Variants in RMDN2 observed in about 807,000 individuals in gnomAD.
RMDN2 encodes the protein regulator of microtubule dynamics 2.
In RMDN2, 61 loss-of-function variants were observed where a neutral mutation model predicts 52.8. The observed-to-expected ratio is 1.16, with a 90% CI of 0.94 to 1.43. The LOEUF (loss-of-function observed/expected upper bound fraction) is 1.43. Among genes scored for constraint, RMDN2 ranks in the 40% most tolerant of loss-of-function variants. The pLI, the probability that RMDN2 is intolerant of heterozygous loss-of-function variation, is 0.00. For missense variants in RMDN2, 592 were observed against 475.3 expected, an observed-to-expected ratio of 1.25 and a Z score of -2.28; for synonymous variants, 180 against 153.1, an observed-to-expected ratio of 1.18 and a Z score of -1.30.
At chr2:37,943,403 G>T (rs762134339) in intron 2 of RMDN2, among the ~76,000 whole-genome samples, 1 of 152,152 alleles carries the variant, frequency 6.6e-6, no homozygotes, top group Admixed American at 6.5e-5. Flanking sequence ...GAATCTTTCT[G>T]ATCCAAGCAG....
chr2:37,989,809 T>G (rs1286258533), intron 6 of RMDN2, among the ~76,000 whole-genome samples, 193 bp downstream of exon 6: 1 of 152,186 alleles, frequency 6.6e-6, no homozygotes, highest in Non-Finnish European at 1.5e-5. Context: ...CTTTAAATAG[T>G]ACTGTGACAA....
chr2:38,065,850 A>G (rs1211452237), intron 10 of RMDN2, among the ~76,000 whole-genome samples: 2 of 152,228 alleles, frequency 1.3e-5, no homozygotes, highest in African/African-American at 2.4e-5. Context: ...CCTAAAGAAC[A>G]GTTTAAAGGG....
chr2:38,039,049 C>T lies in RMDN2; in HGVS notation c.1714-27933C>T, dbSNP rs896931719. On this transcript the variant is annotated intron_variant, in intron 10 of 10. Coordinates refer to the RMDN2 transcript ENST00000234195. The stretch of plus-strand genomic sequence containing the variant: ...AACAGTTTAAAAGCCAGATGCTATA[C>T]ACACACACACACACACACACACACA... Among the ~76,000 whole-genome samples the T allele has an allele frequency of 5.7e-4, 27 of 47,010 alleles. No homozygotes were observed. In the East Asian group the frequency reaches 0.12, roughly 218 times the overall value. 30.8% of individuals were successfully genotyped at this position (47,010 alleles called of 152,430 possible).
At chr2:38,039,905 C>T (rs1680847534) in intron 10 of RMDN2, among the ~76,000 whole-genome samples, 1 of 152,160 alleles carries the variant, frequency 6.6e-6, no homozygotes, top group Non-Finnish European at 1.5e-5. Flanking sequence ...CCTGCCCCTT[C>T]CTACTACTTT....
intron 4 of RMDN2, among the ~76,000 whole-genome samples, chr2:37,976,891 G>A (rs1025235883): frequency 2.0e-5 from 3 of 149,908 alleles, no homozygotes; most frequent in Admixed American, 6.6e-5. Flanking sequence ...GGTGTTTCTC[G>A]GAGAGGGGGA....
intron 10 of RMDN2, among the ~76,000 whole-genome samples, chr2:38,059,902 G>GT (rs911432633): frequency 4.6e-5 from 7 of 151,254 alleles, no homozygotes; most frequent in African/African-American, 7.3e-5. Context: ...TTTTGTTTTT[G>GT]TTTTTTTGTT....
At chr2:38,004,535 A>T (rs1676791907) in intron 10 of RMDN2, among the ~76,000 whole-genome samples, 1 of 152,206 alleles carries the variant, frequency 6.6e-6, no homozygotes. Flanking sequence ...ATACAGTATT[A>T]TTAACTACAG....
chr2:38,061,806 G>C (rs761130736), intron 10 of RMDN2, among the ~76,000 whole-genome samples: 2 of 152,130 alleles, frequency 1.3e-5, no homozygotes, highest in Non-Finnish European at 2.9e-5. Flanking sequence ...ACTAATAGGT[G>C]CTCAATTAAC....
intron 10 of RMDN2, among the ~76,000 whole-genome samples, chr2:38,035,395 A>G (rs1191433071): frequency 6.6e-6 from 1 of 152,202 alleles, no homozygotes; most frequent in Non-Finnish European, 1.5e-5. Flanking sequence ...TACAAATTTG[A>G]TAAAATTCCA....
chr2:37,929,171 C>G, intron 1 of RMDN2, 91 bp from the exon 2 acceptor site: 2 of 726,000 alleles, frequency 2.8e-6, no homozygotes, highest in South Asian at 3.9e-5. Flanking sequence ...GTGATGTAAA[C>G]TTGGCTTTTG....
intron 10 of RMDN2, among the ~76,000 whole-genome samples, chr2:38,057,755 T>C (rs1681900542): frequency 6.6e-6 from 1 of 152,176 alleles, no homozygotes; most frequent in Non-Finnish European, 1.5e-5. Flanking sequence ...TGGATTCTCA[T>C]GAGATCTGGT....
At chr2:37,993,952 A>C (rs10181021) in intron 7 of RMDN2, among the ~76,000 whole-genome samples, 87,317 of 152,014 alleles carry the variant, frequency 0.57, 26,210 homozygotes, top group East Asian at 0.89. Context: ...TCTAGACTTA[A>C]AAGCTCAAGA....
At chr2:38,042,421 ACAC>A (rs1681016897) in intron 10 of RMDN2, among the ~76,000 whole-genome samples, 1 of 50,986 alleles carries the variant, frequency 2.0e-5, no homozygotes, top group African/African-American at 5.8e-5. Context: ...ACACACACAC[ACAC>A]CACACACACA....
At chr2:38,043,472 T>A (rs1681086940) in intron 10 of RMDN2, among the ~76,000 whole-genome samples, 1 of 152,142 alleles carries the variant, frequency 6.6e-6, no homozygotes, top group African/African-American at 2.4e-5. Context: ...GTCTACTACG[T>A]CATTCACATT....
chr2:37,981,235 C>G, intron 4 of RMDN2, 48 bp from the exon 5 acceptor site: 1 of 1,130,188 alleles, frequency 8.8e-7, no homozygotes, highest in Non-Finnish European at 1.4e-6. Flanking sequence ...AATCCACCTC[C>G]TACCAACTCA....
chr2:37,975,331 G>C lies in RMDN2; in HGVS notation c.730+17G>C, dbSNP rs767929782. The C allele has an allele frequency of 5.0e-6, 7 of 1,395,434 alleles. No individual in the cohort carries two copies. The East Asian group carries it at 9.1e-5, about 18-fold the overall frequency. 86.4% of individuals were successfully genotyped at this position (1,395,434 alleles called of 1,614,324 possible). A position where few individuals can be genotyped will look rare whatever the true frequency, so the allele number is the denominator to read the frequency against. ...CTAATATTGGTAAGCATTTTGTAAA[G>C]ATTATTCTCAAGTAGCAATTAAGAT... On this transcript the variant is annotated intron_variant, in intron 4 of 10. Transcript: ENST00000354545.
chr2:37,925,674 G>A (rs1410441276), intron 1 of RMDN2, among the ~76,000 whole-genome samples: 40 of 152,334 alleles, frequency 2.6e-4, no homozygotes, highest in Non-Finnish European at 2.9e-5. Flanking sequence ...CCCGGAGGTC[G>A]CTGGTATTTC....
At chr2:37,972,219 C>G (rs1671898168) in intron 2 of RMDN2, among the ~76,000 whole-genome samples, 2 of 152,190 alleles carry the variant, frequency 1.3e-5, no homozygotes, top group African/African-American at 2.4e-5. Flanking sequence ...TTGCTATACT[C>G]TCCTATTAAT....
At chr2:37,924,358 G>A (rs190957863), upstream of RMDN2, among the ~76,000 whole-genome samples, 1 of 152,208 alleles carries the variant, frequency 6.6e-6, no homozygotes, top group East Asian at 1.9e-4. Flanking sequence ...GGACAATACA[G>A]AAGCAGTGTA....
Sources: allele counts gnomAD v4.1 joint callset (sites outside exome capture counted in the v4.1 genomes callset), GRCh38; gene constraint gnomAD v4.1.1; transcripts MANE v1.5; gene names NCBI Gene and HGNC (gene_info 2026-07-23, HGNC 2026-07-21).